MICU2: variants seen among roughly 807,000 people sequenced by gnomAD.
MICU2 encodes the protein mitochondrial calcium uptake 2.
A neutral mutation model predicts 60.4 loss-of-function variants in MICU2; 64 were observed. That is an observed-to-expected ratio of 1.06 (90% CI 0.87 to 1.31). MICU2 has a LOEUF of 1.31. MICU2 is among the 50% of genes most tolerant of loss of function. The probability of loss-of-function intolerance (pLI) is 0.00; values close to 1 mark genes in which losing one functional copy is unlikely to be tolerated. For missense variants in MICU2, 569 were observed against 531.0 expected (o/e 1.07, Z -0.70); for synonymous variants, 201 against 175.0 (o/e 1.15, Z -1.17).
chr13:21,531,020 C>A, intron 4 of MICU2: 1 of 847,486 alleles, frequency 1.2e-6, no homozygotes. Flanking sequence ...GTGCCTGCAA[C>A]TATTTGAAAG....
At chr13:21,562,991 T>A (rs2761914) in intron 2 of MICU2, among the ~76,000 whole-genome samples, 52,622 of 152,064 alleles carry the variant, frequency 0.35, 9,477 homozygotes, top group South Asian at 0.4. Context: ...TTTTGAAGGA[T>A]AATTTTCACT....
In MICU2 at chr13:21,495,237, T is replaced by C. The variant is rs771237463; in HGVS notation, c.1124A>G (p.Asp375Gly). The C allele has an allele frequency of 1.2e-6, 2 of 1,613,580 alleles. No individual in the cohort carries two copies. Among genetic ancestry groups the C allele is most frequent in the South Asian group, 2.2e-5 (2 of 91,012 alleles). ...ACTAAGACATTCATCACCATCCAAATCAAAGATCTTAAAGACAGTGTCCAA... is the reference window on the plus strand; with the variant it reads ...ACTAAGACATTCATCACCATCCAAACCAAAGATCTTAAAGACAGTGTCCAA... ...NILDTVFKIF[D>G]LDGDECLSHE... The change falls in exon 11 of 12, where the codon GAT becomes GGT. Residue 375 changes from aspartate (D) to glycine (G), a missense_variant. Physicochemically the swap from Asp to Gly is moderately conservative, Grantham distance 94 (BLOSUM62 -1). Coordinates refer to ENST00000382374, the MANE Select transcript of MICU2 (RefSeq NM_152726.3).
In MICU2 at chr13:21,566,304, A is replaced by C. The variant is rs573526703; in HGVS notation, c.358+493T>G. On this transcript the variant is annotated intron_variant, in intron 2 of 11. Transcript: ENST00000382374. ...CAGAGGATGGGGTCAAATCCACTCT[A>C]TGCAAAATGAGGACTAATTTAGATA... Among the ~76,000 whole-genome samples the C allele has an allele frequency of 2.6e-5, 4 of 152,316 alleles. No individual in the cohort carries two copies. The South Asian group carries it at 8.3e-4, about 32-fold the overall frequency.
At chr13:21,525,317 T>C (rs762130978) in intron 4 of MICU2, among the ~76,000 whole-genome samples, 10 of 148,078 alleles carry the variant, frequency 6.8e-5, no homozygotes, top group Admixed American at 2.1e-4. Flanking sequence ...CTCAGCCTCC[T>C]GAGTAGCTGG....
intron 1 of MICU2, chr13:21,603,720 C>A: frequency 1.7e-6 from 1 of 575,562 alleles, no homozygotes; most frequent in Non-Finnish European, 3.1e-6. Flanking sequence ...CCAAGGGAGG[C>A]AGAATCTCCG....
At chr13:21,603,142 G>A (rs1454604646) in intron 1 of MICU2, among the ~76,000 whole-genome samples, 2 of 151,940 alleles carry the variant, frequency 1.3e-5, no homozygotes, top group African/African-American at 2.4e-5. Flanking sequence ...AGACCGGGGG[G>A]GCGGGGCTGG....
intron 1 of MICU2, among the ~76,000 whole-genome samples, chr13:21,582,293 C>T (rs966617091): frequency 6.6e-6 from 1 of 152,090 alleles, no homozygotes; most frequent in African/African-American, 2.4e-5. Context: ...ACTGAAGATA[C>T]AATAGCCAAA....
At position 21,603,950 on chromosome 13, in the gene MICU2, CTG is replaced by C; in HGVS notation, c.197_198del (p.Thr66SerfsTer8). ...VSVAARDGSFTVSAQKNVEHG... is the reference protein window; with the variant it reads ...VSVAARDGSFXVSAQKNVEHG... Reference sequence around the variant, plus strand: ...AGTTAGTCCTGTACCTGTGCGGAGACTGTAAAACTGCCATCCCGCGCCGCAAC... The same window carrying C: ...AGTTAGTCCTGTACCTGTGCGGAGACTAAAACTGCCATCCCGCGCCGCAAC... On this transcript the variant is annotated frameshift_variant, in exon 1 of 12. Transcript: ENST00000382374. LOFTEE classifies it high-confidence loss of function. 1 of 1,612,588 alleles carries C rather than the reference CTG, an allele frequency of 6.2e-7. No homozygotes were observed. The highest frequency in any genetic ancestry group is 8.5e-7 in the Non-Finnish European group (1 of 1,179,642).
intron 3 of MICU2, 76 bp downstream of exon 3, chr13:21,539,581 A>C: frequency 6.3e-7 from 1 of 1,580,298 alleles, no homozygotes; most frequent in Non-Finnish European, 8.7e-7. Context: ...TACAGGTGTG[A>C]GCCACCGTGC....
At chr13:21,569,397 C>A (rs1291560758) in intron 1 of MICU2, among the ~76,000 whole-genome samples, 1 of 152,128 alleles carries the variant, frequency 6.6e-6, no homozygotes, top group African/African-American at 2.4e-5. Context: ...CACTACCTCT[C>A]ATGCTCTGCT....
At chr13:21,517,789 A>G (rs1479140535) in intron 6 of MICU2, among the ~76,000 whole-genome samples, 12 of 96,090 alleles carry the variant, frequency 1.2e-4, no homozygotes, top group African/African-American at 3.1e-4. Flanking sequence ...ACACACACAC[A>G]CACACACACA....
chr13:21,511,369 G>A (rs1397717933), intron 7 of MICU2, among the ~76,000 whole-genome samples: 1 of 152,154 alleles, frequency 6.6e-6, no homozygotes, highest in Non-Finnish European at 1.5e-5. Context: ...CAAAGACACT[G>A]TAGCAAGAAA....
intron 8 of MICU2, among the ~76,000 whole-genome samples, chr13:21,506,306 G>A (rs185447571): frequency 3.9e-5 from 6 of 152,270 alleles, no homozygotes; most frequent in East Asian, 3.9e-4. Flanking sequence ...GTGAGCCGCC[G>A]CGCCCAGCTC....
At chr13:21,602,262 C>T (rs1259396003) in intron 1 of MICU2, among the ~76,000 whole-genome samples, 1 of 151,936 alleles carries the variant, frequency 6.6e-6, no homozygotes, top group Non-Finnish European at 1.5e-5. Flanking sequence ...GTGGCTCACG[C>T]CTGTAATTCC....
intron 2 of MICU2, among the ~76,000 whole-genome samples, chr13:21,565,728 G>A (rs998165511): frequency 1.3e-5 from 2 of 152,148 alleles, no homozygotes; most frequent in East Asian, 3.9e-4. Context: ...AGCTACTCGG[G>A]AGGCTGAGGC....
At chr13:21,501,686 A>G (rs933934866) in intron 9 of MICU2, among the ~76,000 whole-genome samples, 1 of 152,172 alleles carries the variant, frequency 6.6e-6, no homozygotes, top group South Asian at 2.1e-4. Context: ...GCCTCCCTGC[A>G]TTCAGGTGGG....
chr13:21,553,041 ATT>A (rs1421838102), intron 2 of MICU2, among the ~76,000 whole-genome samples: 2 of 152,116 alleles, frequency 1.3e-5, no homozygotes, highest in East Asian at 3.8e-4. Flanking sequence ...TTTTCATGAT[ATT>A]GATTCTTCCT....
chr13:21,561,537 TA>T (rs1051737798), intron 2 of MICU2, among the ~76,000 whole-genome samples: 3,863 of 145,606 alleles, frequency 0.027, 154 homozygotes, highest in African/African-American at 0.087. Flanking sequence ...ACTCACCCAT[TA>T]AAAAAAAAAA....
intron 6 of MICU2, among the ~76,000 whole-genome samples, chr13:21,519,750 G>A (rs1452861959): frequency 1.3e-5 from 2 of 152,142 alleles, no homozygotes; most frequent in Non-Finnish European, 2.9e-5. Context: ...CTCAGAGTCA[G>A]GATCTTTCTC....
Sources: gnomAD v4.1 joint callset for allele counts (sites outside exome capture counted in the v4.1 genomes callset) on GRCh38, gnomAD v4.1.1 for gene constraint, MANE v1.5 for transcripts, NCBI Gene and HGNC (gene_info 2026-07-23, HGNC 2026-07-21) for gene names.